KLHL5: variants seen among roughly 807,000 people sequenced by gnomAD.
The protein encoded by KLHL5 is kelch-like protein 5.
Under a neutral mutation model 77.7 loss-of-function variants are expected in KLHL5, and 48 were observed. The observed-to-expected ratio is 0.62, with a 90% CI of 0.49 to 0.79. The LOEUF (loss-of-function observed/expected upper bound fraction) is 0.79, where lower values mean the gene tolerates loss of function less well. Among genes scored for constraint, KLHL5 ranks in the 30% least tolerant of loss-of-function variants. KLHL5 has a pLI of 0.00. For missense variants in KLHL5, 723 were observed against 859.7 expected (o/e 0.84, Z 1.99); for synonymous variants, 260 against 297.0 (o/e 0.88, Z 1.28).
At chr4:39,065,107 AC>A (rs752521416) in intron 1 of KLHL5, among the ~76,000 whole-genome samples, 20 of 152,216 alleles carry the variant, frequency 1.3e-4, no homozygotes, top group Non-Finnish European at 2.1e-4. Context: ...TAAGAAAAAA[AC>A]ATTCAAGATT....
chr4:39,071,756 A>G (rs1718499143), intron 1 of KLHL5, among the ~76,000 whole-genome samples: 1 of 152,122 alleles, frequency 6.6e-6, no homozygotes. Flanking sequence ...ATGTTTAGGC[A>G]TTTTTCTGAC....
intron 2 of KLHL5, 27 bp downstream of exon 2, chr4:39,076,174 T>C (rs1378316812): frequency 1.3e-6 from 2 of 1,567,012 alleles, no homozygotes; most frequent in Non-Finnish European, 1.7e-6. Flanking sequence ...TTTCTGTATG[T>C]GTGAAATATT....
intron 2 of KLHL5, among the ~76,000 whole-genome samples, chr4:39,080,101 TAGAG>T (rs964656603): frequency 2.0e-5 from 3 of 152,168 alleles, no homozygotes; most frequent in Non-Finnish European, 4.4e-5. Flanking sequence ...AAAATGGAAT[TAGAG>T]AGGGAGCCAA....
At chr4:39,093,984 A>G (rs1450830388) in intron 5 of KLHL5, among the ~76,000 whole-genome samples, 1 of 152,194 alleles carries the variant, frequency 6.6e-6, no homozygotes, top group Non-Finnish European at 1.5e-5. Context: ...TACAGCAACT[A>G]TTATCCTAAA....
At chr4:39,133,600 A>G in the KLHL5 span, among the ~76,000 whole-genome samples, 5 of 152,068 alleles carry the variant, frequency 3.3e-5, no homozygotes, top group Non-Finnish European at 5.9e-5. Flanking sequence ...TAATTAAAAA[A>G]AAATTTTTTA....
At chr4:39,067,445 A>AT (rs981540567) in intron 1 of KLHL5, among the ~76,000 whole-genome samples, 3 of 68,630 alleles carry the variant, frequency 4.4e-5, no homozygotes, top group African/African-American at 1.6e-4. Flanking sequence ...AAATGGTTGC[A>AT]TTTTTGAACT....
chr4:39,114,467 GT>G (rs11324708), intron 9 of KLHL5, among the ~76,000 whole-genome samples: 80,179 of 152,008 alleles, frequency 0.53, 21,698 homozygotes, highest in Non-Finnish European at 0.59. Context: ...AAATTTCAAC[GT>G]TGAGTTTTGG....
intron 5 of KLHL5, among the ~76,000 whole-genome samples, 158 bp downstream of exon 5, chr4:39,086,885 G>C (rs1720088028): frequency 7.0e-6 from 1 of 143,032 alleles, no homozygotes; most frequent in South Asian, 2.3e-4. Context: ...TACTTAAATT[G>C]CTTCAATTAA....
intron 6 of KLHL5, among the ~76,000 whole-genome samples, chr4:39,098,954 G>A (rs528442397): frequency 1.3e-5 from 2 of 152,198 alleles, no homozygotes; most frequent in East Asian, 1.9e-4. Flanking sequence ...TGGGTCAAAG[G>A]AATCTTAAGA....
chr4:39,045,323 C>G (rs1048100855), intron 1 of KLHL5, among the ~76,000 whole-genome samples: 4 of 150,884 alleles, frequency 2.7e-5, no homozygotes, highest in Non-Finnish European at 5.9e-5. Context: ...CCCGGCCTCC[C>G]CGCTGCGCAC....
At chr4:39,128,293 G>T (rs1233853100), downstream of KLHL5, among the ~76,000 whole-genome samples, 1 of 152,164 alleles carries the variant, frequency 6.6e-6, no homozygotes, top group Admixed American at 6.5e-5. Context: ...GTATTGGAGT[G>T]TGAGTTTATA....
chr4:39,063,782 A>C (rs1717640235), intron 1 of KLHL5: 2 of 176,498 alleles, frequency 1.1e-5, no homozygotes, highest in African/African-American at 4.7e-5. Flanking sequence ...AAGAAAGAAA[A>C]TAAGGAAAAA....
intron 5 of KLHL5, among the ~76,000 whole-genome samples, chr4:39,087,044 G>A (rs1720115645): frequency 6.6e-6 from 1 of 150,888 alleles, no homozygotes; most frequent in Non-Finnish European, 1.5e-5. Flanking sequence ...TCAAGTAGCT[G>A]GGACTACAGG....
Position 39,121,973 on chromosome 4 carries a change from T to C in KLHL5, c.*907T>C, listed in dbSNP as rs1396335286. 3 of 152,656 alleles carry C rather than the reference T, an allele frequency of 2.0e-5. No homozygotes were observed. Among genetic ancestry groups the C allele is most frequent in the Non-Finnish European group, 4.4e-5 (3 of 68,040 alleles). The allele number at this position is 152,656 out of a possible 1,614,324, so 9.5% of individuals were successfully genotyped here. On this transcript the variant is annotated 3_prime_UTR_variant, in exon 11 of 11. Coordinates refer to ENST00000504108, the MANE Select transcript of KLHL5 (RefSeq NM_015990.5). Reference sequence around the variant, plus strand: ...GTCTGTATCTGCCTCCCCTGCCTTATTTCTTATGTTTTGCCACAGTTAACC... The same window carrying C: ...GTCTGTATCTGCCTCCCCTGCCTTACTTCTTATGTTTTGCCACAGTTAACC...
chr4:39,094,403 C>T (rs1479008939), intron 5 of KLHL5, among the ~76,000 whole-genome samples: 1 of 150,894 alleles, frequency 6.6e-6, no homozygotes, highest in Non-Finnish European at 1.5e-5. Flanking sequence ...ATAAAAATAT[C>T]AGTTCTCCAA....
At chr4:39,091,129 C>T (rs540619785) in intron 5 of KLHL5, among the ~76,000 whole-genome samples, 1 of 151,876 alleles carries the variant, frequency 6.6e-6, no homozygotes, top group Non-Finnish European at 1.5e-5. Flanking sequence ...GCTGGGATTA[C>T]AGGCGCATGC....
At chr4:39,071,866 G>A (rs765383546) in intron 1 of KLHL5, among the ~76,000 whole-genome samples, 9 of 152,268 alleles carry the variant, frequency 5.9e-5, no homozygotes, top group Admixed American at 1.3e-4. Flanking sequence ...TACAGTGAAA[G>A]TCTAATATAA....
In KLHL5 at chr4:39,062,858, G is replaced by A. The variant is rs201110544; in HGVS notation, c.206G>A (p.Arg69Gln). Residue 69 changes from arginine to glutamine, a missense_variant, in exon 1 of 11, where the codon CGA (arginine) becomes CAA (glutamine). Arg to Gln is a conservative substitution (Grantham distance 43, BLOSUM62 1). Around this residue, in one of 3 missense-constraint regions of KLHL5, gnomAD observed 221 missense variants for 222.1 expected, o/e 1.00. Transcript: ENST00000504108. ...LQLPLASIGYRRSSQLDFQNS... is the reference protein window; with the variant it reads ...LQLPLASIGYQRSSQLDFQNS... ...TTGCCTTTGGCTTCAATTGGTTACC[G>A]AAGGTCCAGCCAACTGGATTTTCAG... The A allele has an allele frequency of 7.1e-5, 114 of 1,614,136 alleles. 2 individuals are homozygous for A. In the South Asian group the frequency reaches 1.0e-3, roughly 14 times the overall value.
intron 7 of KLHL5, among the ~76,000 whole-genome samples, chr4:39,104,811 G>A: frequency 6.6e-6 from 1 of 151,732 alleles, no homozygotes; most frequent in Non-Finnish European, 1.5e-5. Flanking sequence ...CTGTTGCCAG[G>A]CTGAAGTGCA....
Sources: allele counts gnomAD v4.1 joint callset (sites outside exome capture counted in the v4.1 genomes callset), GRCh38; gene constraint gnomAD v4.1.1; regional missense constraint gnomAD v4.1.1; transcripts MANE v1.5; gene names NCBI Gene and HGNC (gene_info 2026-07-23, HGNC 2026-07-21).